Variants in MYO16 observed in about 807,000 individuals in gnomAD.
MYO16 encodes unconventional myosin-XVI.
A neutral mutation model predicts 205.3 loss-of-function variants in MYO16; 94 were observed. The ratio of observed to expected loss-of-function variants is 0.46; its 90% CI spans 0.39 to 0.54. MYO16 has a LOEUF of 0.54. Ranked by LOEUF, MYO16 falls within the 20% of genes least tolerant of loss-of-function variation. The probability of loss-of-function intolerance (pLI) is 0.00; values close to 1 mark genes in which losing one functional copy is unlikely to be tolerated. For synonymous variants in MYO16, 988 were observed against 954.0 expected, an observed-to-expected ratio of 1.04 and a Z score of -0.66; for missense variants, 2,315 against 2,387.5, an observed-to-expected ratio of 0.97 and a Z score of 0.63.
chr13:109,051,431 A>G (rs1331700698), intron 24 of MYO16, among the ~76,000 whole-genome samples: 1 of 152,128 alleles, frequency 6.6e-6, no homozygotes, highest in Admixed American at 6.5e-5. Context: ...TATGTTCATT[A>G]TTTCACATTT....
chr13:109,176,393 C>T (rs979730580), intron 33 of MYO16, among the ~76,000 whole-genome samples: 1 of 151,176 alleles, frequency 6.6e-6, no homozygotes, highest in Non-Finnish European at 1.5e-5. Flanking sequence ...CTACATTGTT[C>T]TTTTAAAATA....
intron 1 of MYO16, among the ~76,000 whole-genome samples, chr13:108,643,170 T>G (rs1403739690): frequency 6.6e-6 from 1 of 152,196 alleles, no homozygotes; most frequent in Admixed American, 6.5e-5. Context: ...CCTTCCATAA[T>G]CACTAGCCTC....
the MYO16 span, among the ~76,000 whole-genome samples, chr13:108,554,459 C>T: frequency 5.3e-5 from 8 of 152,242 alleles, no homozygotes; most frequent in African/African-American, 1.9e-4. Context: ...CAAGCACTGG[C>T]CATGTTCTTA....
intron 16 of MYO16, among the ~76,000 whole-genome samples, chr13:108,921,062 G>A (rs1213387429): frequency 3.3e-5 from 5 of 152,204 alleles, no homozygotes; most frequent in African/African-American, 9.7e-5. Context: ...CTGCCCATGT[G>A]GCTGTAGCAA....
chr13:109,118,877 A>T (rs1198314730), intron 28 of MYO16, among the ~76,000 whole-genome samples: 1 of 152,182 alleles, frequency 6.6e-6, no homozygotes, highest in Non-Finnish European at 1.5e-5. Flanking sequence ...CCACCCACTC[A>T]TGTTACTGTC....
intron 12 of MYO16, among the ~76,000 whole-genome samples, chr13:108,874,412 A>C (rs2139146304): frequency 6.6e-6 from 1 of 152,306 alleles, no homozygotes; most frequent in East Asian, 1.9e-4. Context: ...TAGGAAATGA[A>C]AACAGCTGCC....
At chr13:109,062,579 G>A (rs1183195396) in intron 27 of MYO16, among the ~76,000 whole-genome samples, 1 of 152,038 alleles carries the variant, frequency 6.6e-6, no homozygotes, top group African/African-American at 2.4e-5. Context: ...TTATTTTAGA[G>A]GAAATCTGCC....
At chr13:108,528,575 TCCCCTCC>T in the MYO16 span, among the ~76,000 whole-genome samples, 42 of 103,018 alleles carry the variant, frequency 4.1e-4, no homozygotes, top group Non-Finnish European at 4.6e-4. Context: ...TCCTCTCCCC[TCCCCTCC>T]CCTTTCCCCT....
chr13:109,022,817 A>G (rs1167032324), intron 23 of MYO16, among the ~76,000 whole-genome samples: 2 of 134,952 alleles, frequency 1.5e-5, no homozygotes, highest in Non-Finnish European at 3.0e-5. Context: ...TTTATATATT[A>G]TACTCAATAT....
chr13:108,791,480 C>T (rs968116238), intron 5 of MYO16, among the ~76,000 whole-genome samples: 1 of 152,156 alleles, frequency 6.6e-6, no homozygotes, highest in Non-Finnish European at 1.5e-5. Context: ...TGTGTTTTAA[C>T]TTACTATCAA....
chr13:108,853,576 T>C (rs111437844), intron 10 of MYO16, among the ~76,000 whole-genome samples: 351 of 151,222 alleles, frequency 2.3e-3, no homozygotes, highest in African/African-American at 7.9e-3. Context: ...AGGCTTGTTG[T>C]TGATATTTCT....
At chr13:108,944,216 A>G (rs1882848728) in intron 16 of MYO16, among the ~76,000 whole-genome samples, 1 of 151,572 alleles carries the variant, frequency 6.6e-6, no homozygotes, top group Admixed American at 6.5e-5. Context: ...AAAAAAAAAT[A>G]ATATTAGGTT....
intron 16 of MYO16, among the ~76,000 whole-genome samples, chr13:108,942,652 T>G (rs1192512312): frequency 2.0e-5 from 3 of 152,188 alleles, no homozygotes; most frequent in Admixed American, 2.0e-4. Flanking sequence ...ACAGATCTGT[T>G]CCCTTGGCTG....
intron 1 of MYO16, among the ~76,000 whole-genome samples, chr13:108,618,062 A>G (rs916158763): frequency 6.6e-6 from 1 of 152,132 alleles, no homozygotes; most frequent in Non-Finnish European, 1.5e-5. Flanking sequence ...TGTCTTCACT[A>G]CCATGACTCA....
intron 20 of MYO16, among the ~76,000 whole-genome samples, chr13:108,990,786 T>C (rs566860941): frequency 1.6e-4 from 25 of 152,112 alleles, no homozygotes; most frequent in Non-Finnish European, 3.1e-4. Context: ...TAACAAAAAA[T>C]ATTACAGACA....
intron 21 of MYO16, among the ~76,000 whole-genome samples, chr13:108,995,412 A>G: frequency 6.6e-6 from 1 of 152,202 alleles, no homozygotes; most frequent in East Asian, 1.9e-4. Flanking sequence ...TAGCAGAATT[A>G]ACGAATCATT....
At chr13:108,909,759 C>T (rs926544250) in intron 15 of MYO16, among the ~76,000 whole-genome samples, 4 of 152,200 alleles carry the variant, frequency 2.6e-5, no homozygotes, top group East Asian at 1.9e-4. Context: ...TTTCAAATTA[C>T]ATTTGTGCAC....
chr13:109,016,328 C>T (rs1252038639), intron 22 of MYO16, among the ~76,000 whole-genome samples: 1 of 152,144 alleles, frequency 6.6e-6, no homozygotes, highest in Non-Finnish European at 1.5e-5. Flanking sequence ...GTCTGAGAGA[C>T]AGTTTGTTGT....
intron 7 of MYO16, among the ~76,000 whole-genome samples, chr13:108,812,027 A>G (rs1012137329): frequency 6.6e-6 from 1 of 152,068 alleles, no homozygotes; most frequent in African/African-American, 2.4e-5. Flanking sequence ...GCCTCACCCC[A>G]CCATATGTGA....
Sources: gnomAD v4.1 joint callset for allele counts (sites outside exome capture counted in the v4.1 genomes callset) on GRCh38, gnomAD v4.1.1 for gene constraint, MANE v1.5 for transcripts, NCBI Gene and HGNC (gene_info 2026-07-23, HGNC 2026-07-21) for gene names.